Variants in CPEB2 observed in about 807,000 individuals in gnomAD.
CPEB2 encodes cytoplasmic polyadenylation element-binding protein 2.
CPEB2 carries 56 observed loss-of-function variants against 93.6 expected under a neutral mutation model. That is an observed-to-expected ratio of 0.60 (90% CI 0.48 to 0.75). The LOEUF (loss-of-function observed/expected upper bound fraction) is 0.75. Among genes scored for constraint, CPEB2 ranks in the 30% least tolerant of loss-of-function variants. CPEB2 has a pLI of 0.00. For missense variants in CPEB2, 1,579 were observed against 1,395.1 expected (o/e 1.13, Z -2.10); for synonymous variants, 764 against 586.3 (o/e 1.30, Z -4.38).
At chr4:15,026,269 C>G (rs1441415904) in intron 4 of CPEB2, among the ~76,000 whole-genome samples, 1 of 151,862 alleles carries the variant, frequency 6.6e-6, no homozygotes, top group East Asian at 1.9e-4. Context: ...CTCTGTCACC[C>G]AGGCTGGAGT....
At chr4:15,034,884 A>G (rs1245874415) in intron 5 of CPEB2, among the ~76,000 whole-genome samples, 2 of 152,138 alleles carry the variant, frequency 1.3e-5, no homozygotes, top group Non-Finnish European at 2.9e-5. Flanking sequence ...ACTAATAGGT[A>G]AGGGGATGTT....
chr4:15,013,670 G>C (rs534792040), intron 3 of CPEB2, among the ~76,000 whole-genome samples: 3 of 151,866 alleles, frequency 2.0e-5, no homozygotes, highest in Non-Finnish European at 4.4e-5. Context: ...AATATCTTTT[G>C]CATGTAAGCC....
intron 8 of CPEB2, 99 bp from the exon 9 acceptor site, chr4:15,058,322 T>G (rs1400042269): frequency 1.4e-5 from 8 of 557,166 alleles, no homozygotes; most frequent in East Asian, 3.1e-5. Context: ...TGATAGTTTG[T>G]TTTTTTTTTT....
At chr4:15,042,249 A>G (rs912680211) in intron 6 of CPEB2, among the ~76,000 whole-genome samples, 1 of 152,240 alleles carries the variant, frequency 6.6e-6, no homozygotes, top group African/African-American at 2.4e-5. Flanking sequence ...ATCATGACCT[A>G]AGAAGTTCTT....
At chr4:15,029,835 C>T (rs535223745) in intron 4 of CPEB2, among the ~76,000 whole-genome samples, 2 of 152,104 alleles carry the variant, frequency 1.3e-5, no homozygotes, top group Non-Finnish European at 2.9e-5. Flanking sequence ...TTAGCTATCA[C>T]ATCAGCATTT....
chr4:15,034,370 C>T (rs1726404027), intron 5 of CPEB2, among the ~76,000 whole-genome samples: 1 of 152,140 alleles, frequency 6.6e-6, no homozygotes, highest in Non-Finnish European at 1.5e-5. Flanking sequence ...CATTATTAAA[C>T]TAATGGATGA....
chr4:15,031,556 C>CT (rs1234245039), intron 4 of CPEB2, among the ~76,000 whole-genome samples: 1 of 152,044 alleles, frequency 6.6e-6, no homozygotes, highest in African/African-American at 2.4e-5. Context: ...AGTATGACAA[C>CT]TTTATTTAAG....
intron 5 of CPEB2, among the ~76,000 whole-genome samples, chr4:15,036,786 G>A (rs1411717641): frequency 6.6e-6 from 1 of 152,154 alleles, no homozygotes; most frequent in African/African-American, 2.4e-5. Flanking sequence ...ATACAGCTAT[G>A]TATGTCATAA....
intron 7 of CPEB2, among the ~76,000 whole-genome samples, chr4:15,053,490 A>G (rs932269989): frequency 2.0e-5 from 3 of 152,220 alleles, no homozygotes; most frequent in South Asian, 2.1e-4. Flanking sequence ...ATATTAAGCT[A>G]TATTTGTGAG....
At chr4:15,045,473 G>T (rs1198122823) in intron 6 of CPEB2, among the ~76,000 whole-genome samples, 1 of 151,992 alleles carries the variant, frequency 6.6e-6, no homozygotes, top group Non-Finnish European at 1.5e-5. Flanking sequence ...TTGTGTAACG[G>T]TTTATTCTTG....
chr4:15,052,461 C>T lies in CPEB2; in HGVS notation c.2248C>T (p.His750Tyr). ...AGATGATGGCTTGCTTGATGATGGT[C>T]ACAGTGATCAAGTTGGAGTTTTAAA... Reference protein sequence around the residue: ...PIDDGLLDDGHSDQVGVLNSP... With the variant: ...PIDDGLLDDGYSDQVGVLNSP... The change falls in exon 7 of 12, where the codon CAC becomes TAC. Residue 750 changes from histidine to tyrosine, a missense_variant. Physicochemically the swap from His to Tyr is moderately conservative, Grantham distance 83. Transcript: ENST00000538197. The T allele has an allele frequency of 6.3e-7, 1 of 1,588,700 alleles. No individual in the cohort carries two copies. Among genetic ancestry groups the T allele is most frequent in the Non-Finnish European group, 8.6e-7 (1 of 1,164,232 alleles).
At position 15,003,008 on chromosome 4, in the gene CPEB2, C is replaced by T; in HGVS notation, c.335C>T (p.Ala112Val). 1 of 1,495,264 alleles carries T rather than the reference C, an allele frequency of 6.7e-7. No individual in the cohort carries two copies. Among genetic ancestry groups the T allele is most frequent in the Admixed American group, 2.5e-5 (1 of 39,240 alleles). 92.6% of individuals were successfully genotyped at this position (1,495,264 alleles called of 1,614,324 possible). A position where few individuals can be genotyped will look rare whatever the true frequency, so the allele number is the denominator to read the frequency against. ...TQQPARPLSG[A>V]AATEKLPDHH... is the part of the protein sequence containing the mutation. ...CAGCCGGCGCGGCCGCTTTCGGGGG[C>T]GGCGGCCACGGAGAAACTCCCCGAC... Residue 112 changes from alanine to valine, a missense_variant, in exon 1 of 12, where the codon GCG (alanine) becomes GTG (valine). Around this residue, in one of 2 missense-constraint regions of CPEB2, gnomAD observed 1,411 missense variants for 1,056.0 expected, o/e 1.34. Transcript: ENST00000538197.
intron 6 of CPEB2, among the ~76,000 whole-genome samples, chr4:15,044,094 T>C (rs944481561): frequency 3.3e-5 from 5 of 152,152 alleles, no homozygotes; most frequent in Non-Finnish European, 7.4e-5. Context: ...ATAACTTCAA[T>C]AATTGTGAGA....
At chr4:15,015,606 C>A (rs576087830) in intron 3 of CPEB2, among the ~76,000 whole-genome samples, 7 of 152,064 alleles carry the variant, frequency 4.6e-5, no homozygotes, top group South Asian at 4.2e-4. Flanking sequence ...TTAGGTTTTT[C>A]TTCAGCTTTC....
rs548973413 is a variant in CPEB2, at chr4:15,043,627, C to T, written c.2200+3140C>T. 5.9e-5 allele frequency among the ~76,000 whole-genome samples: 9 copies of T among 152,158 alleles called. No individual in the cohort carries two copies. In the East Asian group the frequency reaches 1.2e-3, roughly 20 times the overall value. On this transcript the variant is annotated intron_variant, in intron 6 of 11. Transcript: ENST00000538197. The stretch of plus-strand genomic sequence containing the variant: ...TTAAGTTCGATCCTTTCAACTTAAA[C>T]TATTTCTATAGCACAATAAGTTCCT...
chr4:15,004,114 AGCGGCGGCG>A lies in CPEB2; in HGVS notation c.1453_1461del (p.Gly485_Gly487del), dbSNP rs534266090. On this transcript the variant is annotated inframe_deletion, in exon 1 of 12. Coordinates refer to ENST00000538197, the MANE Select transcript of CPEB2 (RefSeq NM_001177382.2). ...CTGCACTGGGCTCAGCGTTCCGACG[AGCGGCGGCG>A]GCGGCGGCGGCTTCGGCGGCCCCTT... 6.0e-5 allele frequency: 89 copies of A among 1,475,110 alleles called. No homozygotes were observed. Among genetic ancestry groups the A allele is most frequent in the Admixed American group, 2.0e-4 (10 of 50,382 alleles). The allele number at this position is 1,475,110 out of a possible 1,614,324, so 91.4% of individuals were successfully genotyped here.
chr4:15,017,428 A>G (rs1724300255), intron 4 of CPEB2, 150 bp downstream of exon 4: 2 of 468,978 alleles, frequency 4.3e-6, no homozygotes, highest in Non-Finnish European at 7.5e-6. Context: ...TGTTTTTATG[A>G]AATGCCATAT....
chr4:15,017,977 A>C (rs1724366667), intron 4 of CPEB2: 1 of 151,894 alleles, frequency 6.6e-6, no homozygotes, highest in Admixed American at 6.6e-5. Flanking sequence ...CAAATTGTCT[A>C]TTTGAGTCAT....
intron 6 of CPEB2, among the ~76,000 whole-genome samples, chr4:15,044,557 TTA>T (rs1727479925): frequency 6.6e-6 from 1 of 152,186 alleles, no homozygotes; most frequent in Non-Finnish European, 1.5e-5. Flanking sequence ...ATTATCTTCT[TTA>T]TCCTTAATGA....
Sources: allele counts gnomAD v4.1 joint callset (sites outside exome capture counted in the v4.1 genomes callset), GRCh38; gene constraint gnomAD v4.1.1; regional missense constraint gnomAD v4.1.1; transcripts MANE v1.5; gene names NCBI Gene and HGNC (gene_info 2026-07-23, HGNC 2026-07-21).